Variants in SLIT3 observed in about 807,000 individuals in gnomAD.
SLIT3 encodes the protein slit guidance ligand 3.
Under a neutral mutation model 184.0 loss-of-function variants are expected in SLIT3, and 68 were observed. The ratio of observed to expected loss-of-function variants is 0.37; its 90% confidence interval spans 0.30 to 0.45. SLIT3 has a LOEUF of 0.45. Among genes scored for constraint, SLIT3 ranks in the 20% least tolerant of loss-of-function variants. SLIT3 has a pLI of 1.00. For missense variants in SLIT3, 1,707 were observed against 2,026.0 expected (o/e 0.84, Z 3.02); for synonymous variants, 831 against 828.6 (o/e 1.00, Z -0.05).
chr5:169,226,295 G>C (rs1426958624), intron 3 of SLIT3, among the ~76,000 whole-genome samples: 1 of 152,080 alleles, frequency 6.6e-6, no homozygotes, highest in African/African-American at 2.4e-5. Flanking sequence ...AGAGTCTCCT[G>C]CTGAGGCACA....
intron 4 of SLIT3, chr5:168,995,541 A>T (rs982113191): frequency 1.3e-5 from 2 of 152,220 alleles, no homozygotes; most frequent in African/African-American, 4.8e-5. Context: ...GTTCGTTGGT[A>T]TGAGGGGAAA....
intron 12 of SLIT3, among the ~76,000 whole-genome samples, chr5:168,780,289 T>C (rs1755924356): frequency 1.3e-5 from 2 of 152,228 alleles, no homozygotes; most frequent in African/African-American, 2.4e-5. Flanking sequence ...CAAGAAAGAA[T>C]GCAGTGGCCC....
intron 2 of SLIT3, among the ~76,000 whole-genome samples, chr5:169,248,569 C>A (rs753928479): frequency 6.6e-6 from 1 of 152,190 alleles, no homozygotes; most frequent in Non-Finnish European, 1.5e-5. Context: ...CTGTCCATGG[C>A]TGGAGTCTGT....
rs1338249931 is a variant in SLIT3 at position 168,761,731 on chromosome 5, T to G, written c.1611-795A>C. Among the ~76,000 whole-genome samples, 6 of 152,058 alleles carry G rather than the reference T, an allele frequency of 3.9e-5. No homozygotes were observed. The East Asian group carries it at 1.2e-3, about 29-fold the overall frequency. ...GAGGCTATAACTTTTCAAAAATTTTTTAATTAAAAAAAATTTTTTTTTCCA... is the reference window on the plus strand; with the variant it reads ...GAGGCTATAACTTTTCAAAAATTTTGTAATTAAAAAAAATTTTTTTTTCCA... On this transcript the variant is annotated intron_variant, in intron 15 of 35. Transcript: ENST00000519560.
chr5:169,112,036 T>C (rs1405120505), intron 4 of SLIT3, among the ~76,000 whole-genome samples: 2 of 151,472 alleles, frequency 1.3e-5, no homozygotes, highest in Admixed American at 1.3e-4. Flanking sequence ...AATGAGGGAG[T>C]TTGAAAGATG....
At chr5:168,895,632 A>T (rs1760634031) in intron 4 of SLIT3, among the ~76,000 whole-genome samples, 2 of 152,230 alleles carry the variant, frequency 1.3e-5, no homozygotes, top group Non-Finnish European at 2.9e-5. Flanking sequence ...TAAGCCATTA[A>T]GCTATGTTAA....
intron 4 of SLIT3, among the ~76,000 whole-genome samples, chr5:169,011,741 C>A (rs1365119072): frequency 6.6e-6 from 1 of 152,144 alleles, no homozygotes; most frequent in Non-Finnish European, 1.5e-5. Flanking sequence ...TGAAAAGTAA[C>A]CCGATGTTAT....
chr5:168,784,362 C>T (rs1461706697), intron 12 of SLIT3, among the ~76,000 whole-genome samples: 5 of 152,130 alleles, frequency 3.3e-5, no homozygotes, highest in African/African-American at 7.2e-5. Context: ...AGGCTGGGAC[C>T]GTTGAACAGG....
chr5:169,110,060 C>T (rs74904104), intron 4 of SLIT3, among the ~76,000 whole-genome samples: 1 of 152,180 alleles, frequency 6.6e-6, no homozygotes, highest in African/African-American at 2.4e-5. Flanking sequence ...GTTGGCCAGG[C>T]TTGTCTTGAA....
chr5:168,929,857 A>T (rs1761936139), intron 4 of SLIT3, among the ~76,000 whole-genome samples: 1 of 152,224 alleles, frequency 6.6e-6, no homozygotes, highest in Non-Finnish European at 1.5e-5. Flanking sequence ...TCCACAGCAG[A>T]GGAGGCGGGT....
chr5:168,793,809 G>A (rs1023993820), intron 10 of SLIT3, among the ~76,000 whole-genome samples: 2 of 150,858 alleles, frequency 1.3e-5, no homozygotes, highest in African/African-American at 2.5e-5. Flanking sequence ...TTGGGGGGGG[G>A]GATGCATGGA....
chr5:168,939,918 G>C (rs751211139), intron 4 of SLIT3, among the ~76,000 whole-genome samples: 2 of 152,190 alleles, frequency 1.3e-5, no homozygotes, highest in Non-Finnish European at 2.9e-5. Flanking sequence ...TTTTATGCCT[G>C]TTTTAAAAAT....
chr5:168,677,354 G>A (rs1177684798), intron 32 of SLIT3, among the ~76,000 whole-genome samples: 1 of 152,138 alleles, frequency 6.6e-6, no homozygotes, highest in African/African-American at 2.4e-5. Flanking sequence ...ATCGCTCACT[G>A]CAGCCTTGAA....
chr5:169,262,539 A>C (rs1766228227), intron 1 of SLIT3, among the ~76,000 whole-genome samples: 1 of 152,186 alleles, frequency 6.6e-6, no homozygotes, highest in African/African-American at 2.4e-5. Context: ...GCTGTGAGGC[A>C]TCTATGGGGC....
At chr5:168,905,086 C>T (rs373513991) in intron 4 of SLIT3, among the ~76,000 whole-genome samples, 25 of 152,092 alleles carry the variant, frequency 1.6e-4, no homozygotes, top group Non-Finnish European at 3.4e-4. Flanking sequence ...CTGAGACAGG[C>T]GAATTGCTCG....
chr5:169,124,947 G>T (rs1761021306), intron 4 of SLIT3, among the ~76,000 whole-genome samples: 1 of 152,134 alleles, frequency 6.6e-6, no homozygotes, highest in African/African-American at 2.4e-5. Context: ...TACACATTTG[G>T]CCAATCCTAT....
At chr5:168,748,278 TTGG>T in intron 20 of SLIT3, 21 bp downstream of exon 20, 1 of 1,450,294 alleles carries the variant, frequency 6.9e-7, no homozygotes, top group South Asian at 1.5e-5. Context: ...GACAGGGTGC[TTGG>T]AGGCAGCTGG....
intron 4 of SLIT3, among the ~76,000 whole-genome samples, chr5:169,030,747 C>A (rs1322183280): frequency 6.6e-6 from 1 of 152,114 alleles, no homozygotes; most frequent in Admixed American, 6.6e-5. Context: ...ATCCACAAAA[C>A]AATCATATGA....
chr5:169,295,571 G>GT (rs1561792048), intron 1 of SLIT3, among the ~76,000 whole-genome samples: 1 of 152,256 alleles, frequency 6.6e-6, no homozygotes, highest in Non-Finnish European at 1.5e-5. Flanking sequence ...ACAGCAAGAT[G>GT]TAACAGAGCT....
Sources: allele counts gnomAD v4.1 joint callset (sites outside exome capture counted in the v4.1 genomes callset), GRCh38; gene constraint gnomAD v4.1.1; transcripts MANE v1.5; gene names NCBI Gene and HGNC (gene_info 2026-07-23, HGNC 2026-07-21).